Variants in VNN2 observed in about 807,000 individuals in gnomAD.
VNN2 encodes pantetheine hydrolase VNN2.
VNN2 carries 43 observed loss-of-function variants against 43.0 expected under a neutral mutation model. That is an observed-to-expected ratio of 1.00 (90% CI 0.78 to 1.29). The LOEUF is 1.29. Ranked by LOEUF, VNN2 falls within the 50% of genes most tolerant of loss-of-function variation. VNN2 has a pLI of 0.00. For synonymous variants in VNN2, 230 were observed against 224.3 expected (o/e 1.03, Z -0.23); for missense variants, 652 against 619.7 (o/e 1.05, Z -0.55).
At chr6:132,759,694 C>T (rs1401863203), upstream of VNN2, among the ~76,000 whole-genome samples, 4 of 152,074 alleles carry the variant, frequency 2.6e-5, no homozygotes, top group Non-Finnish European at 5.9e-5. Flanking sequence ...AGAATGGGGC[C>T]TAGGGGCTAT....
At position 132,757,876 on chromosome 6, in the gene VNN2, G is replaced by A. The variant is rs1780585444; in HGVS notation, c.8C>T (p.Thr3Ile). 1.2e-6 allele frequency: 2 copies of A among 1,613,562 alleles called. No individual in the cohort carries two copies. The highest frequency in any genetic ancestry group is 1.7e-5 in the Admixed American group (1 of 59,944). The change falls in exon 1 of 7, where the codon ACT (threonine) becomes ATT (isoleucine). Residue 3 changes from threonine (T) to isoleucine (I), a missense_variant. Thr to Ile is a moderately conservative substitution (Grantham distance 89). Coordinates refer to ENST00000326499, the MANE Select transcript of VNN2 (RefSeq NM_004665.6). ...TGCCACAGAGATTGGAAAAGAGGAAGTGACCATGGCCAAGGTTTAGTGATT... is the reference window on the plus strand; with the variant it reads ...TGCCACAGAGATTGGAAAAGAGGAAATGACCATGGCCAAGGTTTAGTGATT... MV[T>I]SSFPISVAVF...
chr6:132,750,414 C>A lies in VNN2; in HGVS notation c.1201-549G>T, dbSNP rs1056828356. Among the ~76,000 whole-genome samples the A allele has an allele frequency of 3.9e-4, 59 of 150,796 alleles. No individual in the cohort carries two copies. In the Admixed American group the frequency reaches 3.9e-3, roughly 10 times the overall value. On this transcript the variant is annotated intron_variant, in intron 5 of 6. Coordinates refer to ENST00000326499, the MANE Select transcript of VNN2 (RefSeq NM_004665.6). ...CAGCAATTTGGGAGGCCGAGGCAGTCGGATCAGCAGAGGTGAGGAGTTGGA... is the reference window on the plus strand; with the variant it reads ...CAGCAATTTGGGAGGCCGAGGCAGTAGGATCAGCAGAGGTGAGGAGTTGGA...
Position 132,755,949 on chromosome 6 carries a change from T to A in VNN2, c.431A>T (p.Lys144Met), listed in dbSNP as rs1780441984. 1.9e-6 allele frequency: 3 copies of A among 1,613,798 alleles called. No individual in the cohort carries two copies. In the South Asian group the frequency reaches 3.3e-5, roughly 18 times the overall value. ...TGTGGAGTCACGGGAATTACATGGC[T>A]TTTTGTCCCCCAAATTTGCCAAGAC... The part of the protein sequence containing the change: ...IYVLANLGDK[K>M]PCNSRDSTCP... Residue 144 changes from lysine to methionine, a missense_variant, in exon 3 of 7, where the codon AAG becomes ATG. By Grantham distance (95) the Lys-to-Met change is moderately conservative (BLOSUM62 -1). Coordinates refer to ENST00000326499, the MANE Select transcript of VNN2 (RefSeq NM_004665.6).
At chr6:132,752,419 A>G in intron 4 of VNN2, 42 bp downstream of exon 4, 1 of 1,561,290 alleles carries the variant, frequency 6.4e-7, no homozygotes, top group Non-Finnish European at 8.7e-7. Context: ...ATTTCTCTGC[A>G]CTTAAAAATA....
chr6:132,761,863 A>G (rs1309549144), upstream of VNN2, among the ~76,000 whole-genome samples: 2 of 152,076 alleles, frequency 1.3e-5, no homozygotes, highest in Non-Finnish European at 2.9e-5. Flanking sequence ...TTGGACCTCT[A>G]TTTCTCATCT....
At chr6:132,750,514 T>TATATATATATATATATATATA (rs369805846) in intron 5 of VNN2, among the ~76,000 whole-genome samples, 22 of 114,288 alleles carry the variant, frequency 1.9e-4, no homozygotes, top group South Asian at 6.4e-4. Context: ...TATATATATA[T>TATATATATATATATATATATA]TTTTCCAGGT....
intron 2 of VNN2, 104 bp from the exon 3 acceptor site, chr6:132,756,139 A>G (rs1468753211): frequency 9.2e-7 from 1 of 1,091,906 alleles, no homozygotes; most frequent in Non-Finnish European, 1.3e-6. Flanking sequence ...ACTTAAGTTA[A>G]TACAAAAACT....
At chr6:132,758,039 C>CTTCTTCT (rs1488070973), upstream of VNN2, 105 of 164,964 alleles carry the variant, frequency 6.4e-4, no homozygotes, top group South Asian at 2.4e-3. Context: ...TCTTCTTCTT[C>CTTCTTCT]TTTTTTTTTT....
At chr6:132,759,661 T>A (rs3756973), upstream of VNN2, among the ~76,000 whole-genome samples, 18,360 of 152,134 alleles carry the variant, frequency 0.12, 2,646 homozygotes, top group African/African-American at 0.35. Flanking sequence ...GCTTTCCTTC[T>A]TACTGAGATA....
chr6:132,753,096 G>A (rs1391703769), intron 3 of VNN2: 1 of 204,280 alleles, frequency 4.9e-6, no homozygotes, highest in Non-Finnish European at 1.0e-5. Flanking sequence ...ACCCAGGCTG[G>A]AGTGCAGTGG....
chr6:132,758,342 C>T (rs11154695), upstream of VNN2, among the ~76,000 whole-genome samples: 68,422 of 151,852 alleles, frequency 0.45, 15,860 homozygotes, highest in Middle Eastern at 0.56. Context: ...TGCACTTGGC[C>T]TACTTTATAA....
chr6:132,763,140 C>T (rs188772190), intron 1 of VNN2, among the ~76,000 whole-genome samples: 221 of 151,884 alleles, frequency 1.5e-3, no homozygotes, highest in Admixed American at 3.9e-3. Context: ...GGAACTGGAT[C>T]CAAGTCACTC....
Position 132,744,375 on chromosome 6 carries a change from G to T in VNN2, c.1488C>A (p.Ser496Arg). 2.5e-6 allele frequency: 4 copies of T among 1,613,326 alleles called. No individual in the cohort carries two copies. Among genetic ancestry groups the T allele is most frequent in the Non-Finnish European group, 3.4e-6 (4 of 1,179,782 alleles). The change falls in exon 7 of 7, where the codon AGC becomes AGA. Residue 496 changes from serine to arginine, a missense_variant. Ser to Arg is a moderately radical substitution (Grantham distance 110, BLOSUM62 -1). Coordinates refer to ENST00000326499, the MANE Select transcript of VNN2 (RefSeq NM_004665.6). ...TTAGCAGGTAAGTTATTGCTGAATTGCTGGTCCCACATGAGCTGTAAAGTG... is the reference window on the plus strand; with the variant it reads ...TTAGCAGGTAAGTTATTGCTGAATTTCTGGTCCCACATGAGCTGTAAAGTG... ...KDSLYSSCGT[S>R]NSAITYLLIF...
rs1780450125 is a variant in VNN2, at chr6:132,756,016, G to A, written c.364C>T (p.Gln122Ter). 6.2e-7 allele frequency: 1 copy of A among 1,607,902 alleles called. No homozygotes were observed. The highest frequency in any genetic ancestry group is 8.5e-7 in the Non-Finnish European group (1 of 1,177,876). ...TTGGCCAGGCAGCTGAGTCTTGCTT[G>A]TACTGGTGTGTGACCAAATCTAAAC... ...DPHRFGHTPV[Q>*]ARLSCLAKDN... The change falls in exon 3 of 7, where the codon CAA becomes TAA. Residue 122 changes from glutamine to a stop codon, truncating the protein, a stop_gained. Transcript: ENST00000326499. LOFTEE classifies it high-confidence loss of function.
At position 132,755,704 on chromosome 6, in the gene VNN2, TCAAAAAA is replaced by T. The variant is rs1159651088; in HGVS notation, c.537+132_537+138del. The T allele has an allele frequency of 2.5e-5, 25 of 998,608 alleles. No individual in the cohort carries two copies. The Middle Eastern group carries it at 1.7e-3, about 68-fold the overall frequency. The allele number at this position is 998,608 out of a possible 1,614,324, so 61.9% of individuals were successfully genotyped here. ...GTGTCATTTTCTTTATTGCCCACTTTCAAAAAACAAAAAACAAAACAAAACAAAAAAA... is the reference window on the plus strand; with the variant it reads ...GTGTCATTTTCTTTATTGCCCACTTTCAAAAAACAAAACAAAACAAAAAAA... On this transcript the variant is annotated intron_variant, in intron 3 of 6. Coordinates refer to ENST00000326499, the MANE Select transcript of VNN2 (RefSeq NM_004665.6).
Position 132,749,891 on chromosome 6 carries a change from C to T in VNN2, c.1201-26G>A, listed in dbSNP as rs202089100. On this transcript the variant is annotated intron_variant, in intron 5 of 6. Transcript: ENST00000326499. Reference sequence around the variant, plus strand: ...CTATGTGGAACAAACGCAGATAAAACGCAATGCCTTACATTGAAGTTACTC... The same window carrying T: ...CTATGTGGAACAAACGCAGATAAAATGCAATGCCTTACATTGAAGTTACTC... 4.4e-5 allele frequency: 71 copies of T among 1,597,046 alleles called. No homozygotes were observed. The South Asian group carries it at 5.0e-4, about 11-fold the overall frequency.
At chr6:132,752,347 G>A (rs34784326) in intron 4 of VNN2, 114 bp downstream of exon 4, 8 of 1,256,956 alleles carry the variant, frequency 6.4e-6, no homozygotes, top group Non-Finnish European at 7.5e-6. Context: ...GTGAAACTAT[G>A]ACAAACACAG....
In VNN2 at chr6:132,744,476, G is replaced by A. The variant is rs1204346828; in HGVS notation, c.1387C>T (p.Arg463Cys). Residue 463 changes from arginine to cysteine, a missense_variant, in exon 7 of 7, where the codon CGT (arginine) becomes TGT (cysteine). Transcript: ENST00000326499. ...PGKFEVLKDG[R>C]LVNKNGSSGP... ...GATGATCCATTCTTGTTTACCAAAC[G>A]CCCATCTTTCAGCACCTAAAGAAAA... The A allele has an allele frequency of 3.2e-6, 5 of 1,579,408 alleles. No homozygotes were observed. Among genetic ancestry groups the A allele is most frequent in the African/African-American group, 1.4e-5 (1 of 72,882 alleles).
At chr6:132,755,773 T>A in intron 3 of VNN2, 70 bp downstream of exon 3, 1 of 1,436,566 alleles carries the variant, frequency 7.0e-7, no homozygotes, top group Non-Finnish European at 9.4e-7. Flanking sequence ...GGAATGAAAT[T>A]CAAACTCCTA....
Sources: gnomAD v4.1 joint callset for allele counts (sites outside exome capture counted in the v4.1 genomes callset) on GRCh38, gnomAD v4.1.1 for gene constraint, MANE v1.5 for transcripts, NCBI Gene and HGNC (gene_info 2026-07-23, HGNC 2026-07-21) for gene names.